Variants in AHCY observed in about 807,000 individuals in gnomAD.
AHCY encodes S-adenosyl-L-homocysteine hydrolase.
AHCY carries 24 observed loss-of-function variants against 45.4 expected under a neutral mutation model. The observed-to-expected ratio is 0.53, with a 90% CI of 0.38 to 0.74. The LOEUF (loss-of-function observed/expected upper bound fraction) is 0.74. Ranked by LOEUF, AHCY falls within the 30% of genes least tolerant of loss-of-function variation. The probability of loss-of-function intolerance (pLI) is 0.00; values close to 1 mark genes in which losing one functional copy is unlikely to be tolerated. For missense variants in AHCY, 449 were observed against 594.1 expected (o/e 0.76, Z 2.54); for synonymous variants, 245 against 235.1 (o/e 1.04, Z -0.39).
In AHCY at chr20:34,295,531, T is replaced by C; in HGVS notation, c.83A>G (p.Glu28Gly). The change falls in exon 2 of 10, where the codon GAG becomes GGG. Residue 28 changes from glutamate to glycine, a missense_variant. Glu to Gly is a moderately conservative substitution (Grantham distance 98, BLOSUM62 -2). Coordinates refer to ENST00000217426, the MANE Select transcript of AHCY (RefSeq NM_000687.4). ...CCGCATACGCATCAGGCCCGGCATC[T>C]CGTTCTCAGCAATGTCCAGGGCCTT... ...GRKALDIAEN[E>G]MPGLMRMRER... The C allele has an allele frequency of 6.2e-7, 1 of 1,614,138 alleles. No individual in the cohort carries two copies. The highest frequency in any genetic ancestry group is 8.5e-7 in the Non-Finnish European group (1 of 1,180,012).
chr20:34,245,835 CTG>C, the AHCY span: 1 of 774,122 alleles, frequency 1.3e-6, no homozygotes, highest in African/African-American at 1.9e-5. Flanking sequence ...TACAGTTTTA[CTG>C]TAGAATATAT....
At chr20:34,239,351 G>A in the AHCY span, among the ~76,000 whole-genome samples, 10 of 151,966 alleles carry the variant, frequency 6.6e-5, no homozygotes, top group African/African-American at 2.4e-4. Flanking sequence ...CAAGTAGCTG[G>A]GACTACAGGC....
At chr20:34,295,229 G>T (rs1568805294) in intron 2 of AHCY, 166 bp downstream of exon 2, 2 of 845,874 alleles carry the variant, frequency 2.4e-6, no homozygotes, top group Non-Finnish European at 1.9e-6. Context: ...CACCACAAGG[G>T]GTGGCAGCAC....
Position 34,290,336 on chromosome 20 carries a change from G to C in AHCY, c.968C>G (p.Pro323Arg). 6.2e-7 allele frequency: 1 copy of C among 1,613,956 alleles called. No homozygotes were observed. The highest frequency in any genetic ancestry group is 8.5e-7 in the Non-Finnish European group (1 of 1,180,000). ...GGCAAGGCGGGAGCTTCTCACCTGC[G>C]GCTTGATGTTCACCTTCTCCACGGC... The part of the protein sequence containing the change: ...ENAVEKVNIK[P>R]QVDRYRLKNG... The change falls in exon 8 of 10, where the codon CCG becomes CGG. Residue 323 changes from proline (P) to arginine (R), a missense_variant. By Grantham distance (103) the Pro-to-Arg change is moderately radical (BLOSUM62 -2). Transcript: ENST00000217426. This position sits in a 1 kb window ranked among gnomAD's most constrained non-coding sequence, Gnocchi z 4.5.
At chr20:34,301,798 T>C in intron 1 of AHCY, 1 of 985,348 alleles carries the variant, frequency 1.0e-6, no homozygotes, top group Non-Finnish European at 1.2e-6. Context: ...ATGGAGACAG[T>C]CTACTCTGGT....
At chr20:34,235,898 GAAA>G in the AHCY span, among the ~76,000 whole-genome samples, 4 of 80,928 alleles carry the variant, frequency 4.9e-5, no homozygotes, top group African/African-American at 4.2e-4. Context: ...AGGAAGGAAG[GAAA>G]GGAAGGAAGG....
chr20:34,246,986 T>TTTTTTTG, the AHCY span, among the ~76,000 whole-genome samples: 17,731 of 151,622 alleles, frequency 0.12, 1,110 homozygotes, highest in South Asian at 0.19. Flanking sequence ...TTGGTTTTTG[T>TTTTTTTG]TTTTTTGTTT....
rs57344541 is a variant in AHCY, at chr20:34,303,304, G to A, written c.-34C>T. 0.011 allele frequency: 16,420 copies of A among 1,551,714 alleles called. 92 individuals carry two copies. Among genetic ancestry groups the A allele is most frequent in the Non-Finnish European group, 0.012 (14,236 of 1,146,960 alleles). On this transcript the variant is annotated 5_prime_UTR_variant, in exon 1 of 10. Coordinates refer to ENST00000217426, the MANE Select transcript of AHCY (RefSeq NM_000687.4). ...CACTCGTGATGGAAACGGGCGAAGG[G>A]GGCTGGGCCTCAGTCTGGGAACAGG... is the stretch of plus-strand genomic sequence containing the variant.
At chr20:34,302,004 TTG>T in intron 1 of AHCY, 1 of 894,978 alleles carries the variant, frequency 1.1e-6, no homozygotes, top group Non-Finnish European at 1.3e-6. Context: ...CTTTTTTTGT[TTG>T]TTTTTTTTTT....
chr20:34,308,521 G>C (rs1425273918), intron 1 of AHCY, among the ~76,000 whole-genome samples: 10 of 152,258 alleles, frequency 6.6e-5, no homozygotes, highest in Middle Eastern at 3.4e-3. Context: ...CTGCACTCCA[G>C]ACTTGGTGAC....
chr20:34,245,400 A>G, the AHCY span, among the ~76,000 whole-genome samples: 1 of 148,440 alleles, frequency 6.7e-6, no homozygotes, highest in South Asian at 2.2e-4. Context: ...ATTTTATTTT[A>G]TTTTTTTAGA....
In AHCY at chr20:34,285,527, G is replaced by A. The variant is rs780751777; in HGVS notation, c.1080C>T (p.Asn360=). The stretch of plus-strand genomic sequence containing the variant: ...GCGCCATCACCTGGTTGGTGAAGGA[G>A]TTACTCATCACGAAGCTGGGGTGGC... The part of the protein sequence containing the change: ...AMGHPSFVMS[N]SFTNQVMAQI... The change falls in exon 9 of 10, where the codon AAC becomes AAT. Residue 360 remains asparagine, a synonymous_variant. Transcript: ENST00000217426. 2 of 1,614,064 alleles carry A rather than the reference G, an allele frequency of 1.2e-6. No individual in the cohort carries two copies. Among genetic ancestry groups the A allele is most frequent in the East Asian group, 2.2e-5 (1 of 44,898 alleles).
At chr20:34,310,568 A>G (rs2036937602) in intron 1 of AHCY, among the ~76,000 whole-genome samples, 1 of 152,260 alleles carries the variant, frequency 6.6e-6, no homozygotes, top group African/African-American at 2.4e-5. Context: ...ACTTCTAGGA[A>G]TTTATTCCAA....
chr20:34,242,682 A>G, the AHCY span, among the ~76,000 whole-genome samples: 1 of 152,278 alleles, frequency 6.6e-6, no homozygotes, highest in African/African-American at 2.4e-5. Flanking sequence ...GAACTAATGC[A>G]TACATATTCT....
At chr20:34,294,263 A>G (rs1000381916) in intron 2 of AHCY, 107 bp from the exon 3 acceptor site, 4 of 986,252 alleles carry the variant, frequency 4.1e-6, no homozygotes, top group Non-Finnish European at 6.3e-6. Context: ...GAGGCTTGGG[A>G]TCTAGGCACA....
At chr20:34,279,462 A>C (rs543527422), downstream of AHCY, among the ~76,000 whole-genome samples, 50 of 151,824 alleles carry the variant, frequency 3.3e-4, no homozygotes, top group Non-Finnish European at 6.3e-4. Context: ...TGCTTGCACC[A>C]TGCCTGTCAC....
At chr20:34,250,959 A>G in the AHCY span, among the ~76,000 whole-genome samples, 1 of 152,080 alleles carries the variant, frequency 6.6e-6, no homozygotes, top group Non-Finnish European at 1.5e-5. Context: ...GATGATCTCA[A>G]CACTGTTGTC....
the AHCY span, among the ~76,000 whole-genome samples, chr20:34,264,500 G>A: frequency 9.2e-5 from 14 of 152,146 alleles, no homozygotes; most frequent in Non-Finnish European, 1.8e-4. Context: ...ACCCATACTA[G>A]GTGCTACTAG....
At chr20:34,261,068 G>A in the AHCY span, among the ~76,000 whole-genome samples, 4 of 152,208 alleles carry the variant, frequency 2.6e-5, 1 homozygote, top group East Asian at 7.7e-4. Flanking sequence ...GGAACTTGAG[G>A]CTTAGGAGAA....
Sources: allele counts gnomAD v4.1 joint callset (sites outside exome capture counted in the v4.1 genomes callset), GRCh38; gene constraint gnomAD v4.1.1; non-coding constraint Gnocchi (gnomAD v3.1); transcripts MANE v1.5; gene names NCBI Gene and HGNC (gene_info 2026-07-23, HGNC 2026-07-21).